The following PPM1D variants were observed in gnomAD, a reference collection of about 807,000 sequenced individuals.
PPM1D encodes the protein protein phosphatase 1D.
Under a neutral mutation model 58.3 loss-of-function variants are expected in PPM1D, and 52 were observed. That is an observed-to-expected ratio of 0.89 (90% confidence interval 0.71 to 1.12). The LOEUF (loss-of-function observed/expected upper bound fraction) is 1.12. Ranked by LOEUF, PPM1D falls within the 50% of genes most tolerant of loss-of-function variation. PPM1D has a pLI of 0.00. For missense variants in PPM1D, 564 were observed against 777.2 expected, an observed-to-expected ratio of 0.73 and a Z score of 3.26; for synonymous variants, 278 against 285.1, an observed-to-expected ratio of 0.98 and a Z score of 0.25.
In PPM1D at chr17:60,600,456, C is replaced by G; in HGVS notation, c.42C>G (p.Asp14Glu). 1 of 1,568,204 alleles carries G rather than the reference C, an allele frequency of 6.4e-7. No individual in the cohort carries two copies. Among genetic ancestry groups the G allele is most frequent in the Non-Finnish European group, 8.6e-7 (1 of 1,156,542 alleles). Reference sequence around the variant, plus strand: ...CGCTGGGAGTGAGCGTCTTCTCCGACCAGGGCGGGAGGAAGTACATGGAGG... The same window carrying G: ...CGCTGGGAGTGAGCGTCTTCTCCGAGCAGGGCGGGAGGAAGTACATGGAGG... ...LYSLGVSVFSDQGGRKYMEDV... is the reference protein window; with the variant it reads ...LYSLGVSVFSEQGGRKYMEDV... The change falls in exon 1 of 6, where the codon GAC (aspartate) becomes GAG (glutamate). Residue 14 changes from aspartate to glutamate, a missense_variant. By Grantham distance (45) the Asp-to-Glu change is conservative. Transcript: ENST00000305921.
At chr17:60,616,842 A>G (rs2030595210) in intron 1 of PPM1D, among the ~76,000 whole-genome samples, 1 of 152,202 alleles carries the variant, frequency 6.6e-6, no homozygotes, top group Non-Finnish European at 1.5e-5. Flanking sequence ...TATTGCATCT[A>G]AGGATATTTA....
chr17:60,665,528 A>G lies in PPM1D; in HGVS notation c.*1976A>G, dbSNP rs2031602458. The G allele has an allele frequency of 2.0e-5, 3 of 152,216 alleles. No individual in the cohort carries two copies. Among genetic ancestry groups the G allele is most frequent in the Admixed American group, 1.3e-4 (2 of 15,268 alleles). The allele number at this position is 152,216 out of a possible 1,614,324, so 9.4% of individuals were successfully genotyped here. A position where few individuals can be genotyped will look rare whatever the true frequency, so the allele number is the denominator to read the frequency against. On this transcript the variant is annotated 3_prime_UTR_variant, in exon 6 of 6. Coordinates refer to ENST00000305921, the MANE Select transcript of PPM1D (RefSeq NM_003620.4). ...CAGCCAACTATGCCATTATTTAACC[A>G]TGTCCACACATTCTGGTTATTTTCA...
chr17:60,653,802 G>A (rs777553510), intron 4 of PPM1D, among the ~76,000 whole-genome samples: 8 of 152,164 alleles, frequency 5.3e-5, no homozygotes, highest in Non-Finnish European at 1.2e-4. Context: ...ATTGGAAATA[G>A]GATTGCTTTC....
At chr17:60,631,891 A>G (rs1394680813) in intron 2 of PPM1D, among the ~76,000 whole-genome samples, 2 of 152,134 alleles carry the variant, frequency 1.3e-5, no homozygotes, top group Non-Finnish European at 2.9e-5. Context: ...AACTAATCAT[A>G]TTTCAGGCCG....
At chr17:60,616,532 C>A (rs896080746) in intron 1 of PPM1D, among the ~76,000 whole-genome samples, 1 of 152,082 alleles carries the variant, frequency 6.6e-6, no homozygotes, top group Non-Finnish European at 1.5e-5. Context: ...ATCTCTTGAA[C>A]CCAGGAGGCA....
chr17:60,601,889 T>TACAA (rs2143610859), intron 1 of PPM1D, among the ~76,000 whole-genome samples: 1 of 152,320 alleles, frequency 6.6e-6, no homozygotes, highest in East Asian at 1.9e-4. Flanking sequence ...GCATCTTTGT[T>TACAA]AGAGCAAAGA....
rs540461279 is a variant in PPM1D, at chr17:60,609,318, C to A, written c.472+8432C>A. 2.0e-5 allele frequency among the ~76,000 whole-genome samples: 3 copies of A among 152,116 alleles called. No homozygotes were observed. In the South Asian group the frequency reaches 6.2e-4, roughly 32 times the overall value. ...CCATGTTGGCCAGGCTGGTCTCGAA[C>A]TCCTGACCTCGTGATCCACCCGCCT... is the stretch of plus-strand genomic sequence containing the variant. On this transcript the variant is annotated intron_variant, in intron 1 of 5. Transcript: ENST00000305921.
rs2143731577 is a variant in PPM1D at position 60,663,095 on chromosome 17, C to G, written c.1361C>G (p.Ala454Gly). The G allele has an allele frequency of 6.2e-7, 1 of 1,614,106 alleles. No individual in the cohort carries two copies. The highest frequency in any genetic ancestry group is 8.5e-7 in the Non-Finnish European group (1 of 1,179,964). Residue 454 changes from alanine (A) to glycine (G), a missense_variant, in exon 6 of 6, where the codon GCT (alanine) becomes GGT (glycine). This residue lies in a region of PPM1D where 261 missense variants were observed against 270.1 expected (regional missense o/e 0.97). Coordinates refer to ENST00000305921, the MANE Select transcript of PPM1D (RefSeq NM_003620.4). ...TCAGAGAATTTTTTAGAGGTTTCAG[C>G]TGAGATAGCTCGAGAGAATGTCCAA... The part of the protein sequence containing the change: ...AFSENFLEVS[A>G]EIARENVQGV...
At chr17:60,607,016 A>T (rs2030344117) in intron 1 of PPM1D, among the ~76,000 whole-genome samples, 1 of 150,086 alleles carries the variant, frequency 6.7e-6, no homozygotes. Context: ...TTTTTTATAG[A>T]GACAGGGTCT....
chr17:60,602,609 A>G (rs2030239432), intron 1 of PPM1D, among the ~76,000 whole-genome samples: 1 of 152,048 alleles, frequency 6.6e-6, no homozygotes, highest in African/African-American at 2.4e-5. Context: ...TTAATAAAGC[A>G]GGGGCCATGC....
At chr17:60,606,983 C>CTAATTTTTTTTTT (rs1399939364) in intron 1 of PPM1D, among the ~76,000 whole-genome samples, 2 of 150,996 alleles carry the variant, frequency 1.3e-5, no homozygotes, top group African/African-American at 2.4e-5. Context: ...ATGCGCCCAG[C>CTAATTTTTTTTTT]TAATTTTTTT....
At chr17:60,656,972 T>C in intron 5 of PPM1D, 131 bp downstream of exon 5, 1 of 1,577,858 alleles carries the variant, frequency 6.3e-7, no homozygotes. Flanking sequence ...TGATGTAACT[T>C]ATTATCAGAG....
At chr17:60,641,762 A>G (rs549763162) in intron 3 of PPM1D, among the ~76,000 whole-genome samples, 2 of 152,290 alleles carry the variant, frequency 1.3e-5, no homozygotes, top group South Asian at 4.1e-4. Flanking sequence ...AGTTTTGAGA[A>G]TGGATTAGAG....
intron 1 of PPM1D, among the ~76,000 whole-genome samples, chr17:60,615,464 C>A (rs1441521314): frequency 6.6e-6 from 1 of 151,442 alleles, no homozygotes; most frequent in Non-Finnish European, 1.5e-5. Context: ...ATGGTGCTGT[C>A]TTTTAATGCA....
At position 60,645,530 on chromosome 17, in the gene PPM1D, A is replaced by G. The variant is rs1182633528; in HGVS notation, c.827-2362A>G. 1.2e-4 allele frequency among the ~76,000 whole-genome samples: 15 copies of G among 124,678 alleles called. No individual in the cohort carries two copies. The South Asian group carries it at 2.1e-3, about 17-fold the overall frequency. The allele number at this position is 124,678 out of a possible 152,430, so 81.8% of individuals were successfully genotyped here. ...TATATGTGTATATATATGTATATAT[A>G]TATGTGTATATATATGTATATATAT... On this transcript the variant is annotated intron_variant, in intron 3 of 5. Coordinates refer to ENST00000305921, the MANE Select transcript of PPM1D (RefSeq NM_003620.4).
At chr17:60,635,732 G>A (rs1245363888) in intron 3 of PPM1D, among the ~76,000 whole-genome samples, 1 of 152,154 alleles carries the variant, frequency 6.6e-6, no homozygotes, top group Non-Finnish European at 1.5e-5. Context: ...TACCAATTGG[G>A]AGACTCAGTT....
At chr17:60,620,124 C>A (rs538875170) in intron 1 of PPM1D, among the ~76,000 whole-genome samples, 196 of 152,062 alleles carry the variant, frequency 1.3e-3, no homozygotes, top group Non-Finnish European at 2.0e-3. Flanking sequence ...TCAGCCTCCC[C>A]AGTGGCTAGG....
At chr17:60,647,348 T>C (rs2031268233) in intron 3 of PPM1D, among the ~76,000 whole-genome samples, 1 of 152,184 alleles carries the variant, frequency 6.6e-6, no homozygotes, top group African/African-American at 2.4e-5. Context: ...ATTGTTAAAA[T>C]TGGATTATTT....
intron 4 of PPM1D, among the ~76,000 whole-genome samples, chr17:60,654,441 C>T (rs2031397727): frequency 7.2e-6 from 1 of 138,200 alleles, no homozygotes; most frequent in South Asian, 2.3e-4. Context: ...GAGGTGGAGA[C>T]TGCAGTAAGC....
Sources: gnomAD v4.1 joint callset for allele counts (sites outside exome capture counted in the v4.1 genomes callset) on GRCh38, gnomAD v4.1.1 for gene constraint, gnomAD v4.1.1 regional missense constraint, MANE v1.5 for transcripts, NCBI Gene and HGNC (gene_info 2026-07-23, HGNC 2026-07-21) for gene names.